The following ZNF385D variants were observed in gnomAD, a reference collection of about 807,000 sequenced individuals.
ZNF385D encodes zinc finger protein 659.
ZNF385D carries 15 observed loss-of-function variants against 35.8 expected under a neutral mutation model. The ratio of observed to expected loss-of-function variants is 0.42; its 90% CI spans 0.28 to 0.64. The LOEUF is 0.64. Ranked by LOEUF, ZNF385D falls within the 30% of genes least tolerant of loss-of-function variation. The pLI is 0.23. For synonymous variants in ZNF385D, 212 were observed against 186.8 expected (o/e 1.13, Z -1.10); for missense variants, 474 against 494.6 (o/e 0.96, Z 0.39).
chr3:22,187,883 G>A (rs2125789522), intron 2 of ZNF385D, among the ~76,000 whole-genome samples: 1 of 152,210 alleles, frequency 6.6e-6, no homozygotes, highest in South Asian at 2.1e-4. Context: ...GGGTAGCTGT[G>A]GTAGGCAGAA....
intron 3 of ZNF385D, among the ~76,000 whole-genome samples, chr3:21,953,699 C>A (rs958478301): frequency 6.6e-6 from 1 of 151,926 alleles, no homozygotes; most frequent in Non-Finnish European, 1.5e-5. Flanking sequence ...TCAGCAAATA[C>A]TATAACCAGC....
chr3:21,725,292 TA>T (rs2068711805), intron 1 of ZNF385D, among the ~76,000 whole-genome samples: 2 of 151,386 alleles, frequency 1.3e-5, no homozygotes, highest in Non-Finnish European at 2.9e-5. Context: ...CAAGAACAAA[TA>T]AATTCAAAAG....
chr3:21,562,791 C>CTGT (rs2062999078), intron 3 of ZNF385D, among the ~76,000 whole-genome samples: 1 of 150,594 alleles, frequency 6.6e-6, no homozygotes, highest in South Asian at 2.1e-4. Context: ...AAAGTTGAAG[C>CTGT]TGTTGAGTTT....
intron 4 of ZNF385D, among the ~76,000 whole-genome samples, chr3:21,501,449 A>G (rs961862049): frequency 6.6e-6 from 1 of 152,210 alleles, no homozygotes; most frequent in Non-Finnish European, 1.5e-5. Flanking sequence ...TATTTGTCTG[A>G]GTTTGGGTTT....
At chr3:21,857,396 G>A (rs1696784026) in intron 3 of ZNF385D, among the ~76,000 whole-genome samples, 1 of 152,138 alleles carries the variant, frequency 6.6e-6, no homozygotes, top group African/African-American at 2.4e-5. Context: ...TTAGGTGCCA[G>A]GGGAAACATA....
At chr3:21,501,964 T>G (rs1706401677) in intron 4 of ZNF385D, among the ~76,000 whole-genome samples, 1 of 152,144 alleles carries the variant, frequency 6.6e-6, no homozygotes, top group Non-Finnish European at 1.5e-5. Flanking sequence ...AAATCTCTGG[T>G]AAAGAAAGAC....
At chr3:22,112,159 G>T (rs914118626) in intron 3 of ZNF385D, among the ~76,000 whole-genome samples, 2 of 152,076 alleles carry the variant, frequency 1.3e-5, no homozygotes, top group African/African-American at 4.8e-5. Flanking sequence ...TAAAACTTAG[G>T]AACTGTTAAG....
intron 3 of ZNF385D, among the ~76,000 whole-genome samples, chr3:22,151,752 A>G (rs891583963): frequency 6.6e-6 from 1 of 152,170 alleles, no homozygotes; most frequent in Non-Finnish European, 1.5e-5. Flanking sequence ...CATCCAGAAT[A>G]ATATTTGACC....
At chr3:22,211,432 C>T (rs1489684204) in intron 2 of ZNF385D, among the ~76,000 whole-genome samples, 1 of 151,978 alleles carries the variant, frequency 6.6e-6, no homozygotes, top group African/African-American at 2.4e-5. Context: ...GGTCACAGAT[C>T]TCATTTGTGT....
Position 21,545,507 on chromosome 3 carries a change from G to A in ZNF385D, c.276+19067C>T, listed in dbSNP as rs552435814. Among the ~76,000 whole-genome samples, 4 of 152,300 alleles carry A rather than the reference G, an allele frequency of 2.6e-5. No homozygotes were observed. The East Asian group carries it at 7.7e-4, about 29-fold the overall frequency. On this transcript the variant is annotated intron_variant, in intron 3 of 7. Transcript: ENST00000281523. ...TAATAAATAAGGTATACACTCCTGT[G>A]ATCAGAATTTGGAGCATGTTTGTTT...
rs6791560 is a variant in ZNF385D at position 22,249,793 on chromosome 3, G to T, written c.107-80758C>A. Among the ~76,000 whole-genome samples the T allele has an allele frequency of 4.8e-3, 727 of 152,198 alleles. 12 individuals are homozygous for T. The highest frequency in any genetic ancestry group is 0.016 in the African/African-American group (651 of 41,542). On this transcript the variant is annotated intron_variant, in intron 2 of 5. Coordinates refer to the ZNF385D transcript ENST00000494108. Reference sequence around the variant, plus strand: ...AACTGTTGAAAGCTAAAATTGTGGGGTTTTTTTCTGTTTATATTTAGGACC... The same window carrying T: ...AACTGTTGAAAGCTAAAATTGTGGGTTTTTTTTCTGTTTATATTTAGGACC...
intron 3 of ZNF385D, among the ~76,000 whole-genome samples, chr3:21,548,689 C>G (rs766334041): frequency 4.6e-5 from 7 of 152,198 alleles, no homozygotes; most frequent in Non-Finnish European, 8.8e-5. Flanking sequence ...CCTTGAATAA[C>G]TTCTGTATTG....
At chr3:22,149,792 G>T (rs373879608) in intron 3 of ZNF385D, among the ~76,000 whole-genome samples, 12 of 152,052 alleles carry the variant, frequency 7.9e-5, no homozygotes, top group African/African-American at 2.9e-4. Context: ...AAGACAATGC[G>T]CTTTTCTCAC....
intron 3 of ZNF385D, among the ~76,000 whole-genome samples, chr3:22,108,753 C>G (rs899687820): frequency 1.3e-5 from 2 of 152,118 alleles, no homozygotes; most frequent in Non-Finnish European, 2.9e-5. Flanking sequence ...TGGCTCATGC[C>G]TGCAATCCCA....
At chr3:21,786,783 C>A (rs1162964737) in intron 3 of ZNF385D, among the ~76,000 whole-genome samples, 1 of 152,144 alleles carries the variant, frequency 6.6e-6, no homozygotes, top group African/African-American at 2.4e-5. Context: ...TGAATGAAAT[C>A]AACAGATTTC....
At position 22,187,452 on chromosome 3, in the gene ZNF385D, CT is replaced by C. The variant is rs543226977; in HGVS notation, c.107-18418del. On this transcript the variant is annotated intron_variant, in intron 2 of 5. Transcript: ENST00000494108. ...AAATATGAAAACTTTCCTATGGTGA[CT>C]TTTTTTCTCTCCCTCTCACCCTATA... 5.3e-3 allele frequency among the ~76,000 whole-genome samples: 799 copies of C among 152,098 alleles called. 4 individuals carry two copies. Among genetic ancestry groups the C allele is most frequent in the African/African-American group, 0.019 (768 of 41,508 alleles).
At chr3:21,575,022 G>A (rs1055670055) in intron 2 of ZNF385D, among the ~76,000 whole-genome samples, 4 of 152,208 alleles carry the variant, frequency 2.6e-5, no homozygotes, top group South Asian at 2.1e-4. Context: ...ACAACTGGAA[G>A]CAAATATGAC....
In ZNF385D at chr3:21,610,521, A is replaced by G. The variant is rs541219013; in HGVS notation, c.166-45837T>C. Among the ~76,000 whole-genome samples, 9 of 152,264 alleles carry G rather than the reference A, an allele frequency of 5.9e-5. No homozygotes were observed. In the South Asian group the frequency reaches 1.9e-3, roughly 32 times the overall value. The stretch of plus-strand genomic sequence containing the variant: ...CGCGGTGGCTCACGCCTGTAATCCC[A>G]GCACTCTGGGAGGCCAAGGCAGGTG... On this transcript the variant is annotated intron_variant, in intron 2 of 7. Coordinates refer to ENST00000281523, the MANE Select transcript of ZNF385D (RefSeq NM_024697.3).
chr3:21,751,179 G>C lies in ZNF385D; in HGVS notation c.-263C>G. The C allele has an allele frequency of 1.4e-6, 2 of 1,390,878 alleles. No individual in the cohort carries two copies. The highest frequency in any genetic ancestry group is 9.3e-7 in the Non-Finnish European group (1 of 1,072,032). 86.2% of individuals were successfully genotyped at this position (1,390,878 alleles called of 1,614,324 possible). A position where few individuals can be genotyped will look rare whatever the true frequency, so the allele number is the denominator to read the frequency against. On this transcript the variant is annotated 5_prime_UTR_variant, in exon 1 of 8. It adds an upstream start codon to the 5' untranslated region. Transcript: ENST00000281523. ...TTACTGTAATCCGACTCCTCCTTGC[G>C]ATGTCCTTGCCGCGCCTGTGACATC...
Sources: gnomAD v4.1 joint callset for allele counts (sites outside exome capture counted in the v4.1 genomes callset) on GRCh38, gnomAD v4.1.1 for gene constraint, MANE v1.5 for transcripts, NCBI Gene and HGNC (gene_info 2026-07-23, HGNC 2026-07-21) for gene names.